Variants in DNAH1 observed in about 807,000 individuals in gnomAD.
DNAH1 encodes axonemal beta dynein heavy chain 1.
DNAH1 carries 327 observed loss-of-function variants against 484.3 expected under a neutral mutation model. The observed-to-expected ratio is 0.68, with a 90% CI of 0.62 to 0.74. DNAH1 has a LOEUF of 0.74. DNAH1 is among the 30% of genes least tolerant of loss of function. The pLI is 0.00. For synonymous variants in DNAH1, 2,192 were observed against 2,191.9 expected, an observed-to-expected ratio of 1.00 and a Z score of 0.00; for missense variants, 5,052 against 5,546.8, an observed-to-expected ratio of 0.91 and a Z score of 2.83.
Position 52,354,953 on chromosome 3 carries a change from G to A in DNAH1, c.3591G>A (p.Leu1197=), listed in dbSNP as rs1326180551. The A allele has an allele frequency of 1.9e-6, 3 of 1,613,898 alleles. No homozygotes were observed. The highest frequency in any genetic ancestry group is 1.3e-5 in the African/African-American group (1 of 74,922). ...LKSPDEASQL[L]DDHIVMTQNM... ...GCCCGGACGAGGCCTCACAGCTGCT[G>A]GACGACCACATCGTCATGACCCAGA... Residue 1197 remains leucine, a synonymous_variant, in exon 21 of 78, where the codon CTG becomes CTA. Coordinates refer to ENST00000420323, the MANE Select transcript of DNAH1 (RefSeq NM_015512.5).
Position 52,379,123 on chromosome 3 carries a change from A to T in DNAH1, c.7377+343A>T, listed in dbSNP as rs1325891469. Among the ~76,000 whole-genome samples the T allele has an allele frequency of 6.6e-6, 1 of 152,094 alleles. No individual in the cohort carries two copies. Among genetic ancestry groups the T allele is most frequent in the African/African-American group, 2.4e-5 (1 of 41,438 alleles). On this transcript the variant is annotated intron_variant, in intron 47 of 77. Transcript: ENST00000420323. This position sits in a 1 kb window ranked among gnomAD's most constrained non-coding sequence, Gnocchi z 4.4. Reference sequence around the variant, plus strand: ...AAAACCCCAGGTGGAAGGAGGGGGAAGTGTAGCAGGGAGCCAGGTGTCAGG... The same window carrying T: ...AAAACCCCAGGTGGAAGGAGGGGGATGTGTAGCAGGGAGCCAGGTGTCAGG...
chr3:52,335,542 C>G (rs1413482629), intron 8 of DNAH1, among the ~76,000 whole-genome samples: 1 of 151,378 alleles, frequency 6.6e-6, no homozygotes, highest in Non-Finnish European at 1.5e-5. Flanking sequence ...CTCCTGACCT[C>G]AGGTGATCCA....
chr3:52,373,601 A>C, intron 44 of DNAH1: 1 of 1,461,772 alleles, frequency 6.8e-7, no homozygotes, highest in South Asian at 1.1e-5. Context: ...AAAATTCTTC[A>C]AGGTTTAGCG....
Position 52,332,158 on chromosome 3 carries a change from G to A in DNAH1, c.1050G>A (p.Gln350=). Residue 350 remains glutamine (Q), a synonymous_variant, in exon 8 of 78, where the codon CAG becomes CAA. Coordinates refer to ENST00000420323, the MANE Select transcript of DNAH1 (RefSeq NM_015512.5). Reference sequence around the variant, plus strand: ...GGCCCCCAGGAAGGCCACCCCTTCAGGTCTGTCAGTACTGGGTGCCACGGA... The same window carrying A: ...GGCCCCCAGGAAGGCCACCCCTTCAAGTCTGTCAGTACTGGGTGCCACGGA... The part of the protein sequence containing the change: ...GVTTEGRPPL[Q]VCQYWVPRIQ... 6.4e-7 allele frequency: 1 copy of A among 1,565,700 alleles called. No homozygotes were observed. Among genetic ancestry groups the A allele is most frequent in the Non-Finnish European group, 8.7e-7 (1 of 1,154,436 alleles).
intron 75 of DNAH1, 145 bp downstream of exon 75, chr3:52,398,307 G>C: frequency 8.9e-7 from 1 of 1,120,662 alleles, no homozygotes; most frequent in Non-Finnish European, 1.2e-6. Flanking sequence ...TGTTGACACG[G>C]AGTCTCTCTC....
rs764170329 is a variant in DNAH1, at chr3:52,327,993, A to C, written c.850A>C (p.Thr284Pro). The C allele has an allele frequency of 1.2e-6, 2 of 1,613,742 alleles. No homozygotes were observed. The highest frequency in any genetic ancestry group is 2.7e-5 in the African/African-American group (2 of 74,910). Residue 284 changes from threonine to proline, a missense_variant, in exon 6 of 78, where the codon ACT becomes CCT. By Grantham distance (38) the Thr-to-Pro change is conservative (BLOSUM62 -1). Coordinates refer to ENST00000420323, the MANE Select transcript of DNAH1 (RefSeq NM_015512.5). Reference sequence around the variant, plus strand: ...TGTCCCGGGAAAAGCCCTCTTGCCCACTGATGACTTCCTGGGGCATGGTGA... The same window carrying C: ...TGTCCCGGGAAAAGCCCTCTTGCCCCCTGATGACTTCCTGGGGCATGGTGA... ...KPVPGKALLPTDDFLGHEDPK... is the reference protein window; with the variant it reads ...KPVPGKALLPPDDFLGHEDPK...
chr3:52,333,876 T>A (rs1007144878), intron 8 of DNAH1, among the ~76,000 whole-genome samples: 76 of 152,344 alleles, frequency 5.0e-4, no homozygotes, highest in African/African-American at 1.8e-3. Flanking sequence ...TAGGCTAATG[T>A]GAGTGTTCTG....
chr3:52,392,357 TG>T, intron 63 of DNAH1, 106 bp from the exon 64 acceptor site: 1 of 1,007,638 alleles, frequency 9.9e-7, no homozygotes, highest in Non-Finnish European at 1.5e-6. Flanking sequence ...GCAAGGATGC[TG>T]GGCTCTTGGA....
At chr3:52,349,943 A>G (rs1423478203) in intron 14 of DNAH1, 46 bp from the exon 15 acceptor site, 1 of 1,563,492 alleles carries the variant, frequency 6.4e-7, no homozygotes, top group Admixed American at 1.9e-5. Context: ...GAGGGAAGGC[A>G]AGGGAGCAGC....
chr3:52,331,273 G>T lies in DNAH1; in HGVS notation c.997G>T (p.Gly333Trp), dbSNP rs748892873. The T allele has an allele frequency of 6.2e-7, 1 of 1,610,838 alleles. No homozygotes were observed. Among genetic ancestry groups the T allele is most frequent in the East Asian group, 2.2e-5 (1 of 44,816 alleles). The change falls in exon 7 of 78, where the codon GGG (glycine) becomes TGG (tryptophan). Residue 333 changes from glycine (G) to tryptophan (W), a missense_variant. Gly to Trp is a radical substitution (Grantham distance 184, BLOSUM62 -2). Transcript: ENST00000420323. ...GAAAGGCCTGGTGCGAGATGAGATG[G>T]GGAGGCCCATCCTGAATGCAGGGGT... is the stretch of plus-strand genomic sequence containing the variant. ...DEKGLVRDEM[G>W]RPILNAGVTT...
At chr3:52,390,321 C>T (rs1375825240) in intron 60 of DNAH1, among the ~76,000 whole-genome samples, 1 of 151,878 alleles carries the variant, frequency 6.6e-6, no homozygotes, top group African/African-American at 2.4e-5. Flanking sequence ...AAAAATTAAC[C>T]AGGCATGGTC....
Position 52,326,816 on chromosome 3 carries a change from G to A in DNAH1, c.663G>A (p.Arg221=). 6.2e-7 allele frequency: 1 copy of A among 1,613,650 alleles called. No homozygotes were observed. The highest frequency in any genetic ancestry group is 2.2e-5 in the East Asian group (1 of 44,884). ...QGIDSNKLMP[R]HLDHQHPQTI... Reference sequence around the variant, plus strand: ...TCGACTCCAACAAGCTCATGCCCAGGCACCTGGACCACCAGCACCCCCAAA... The same window carrying A: ...TCGACTCCAACAAGCTCATGCCCAGACACCTGGACCACCAGCACCCCCAAA... The change falls in exon 5 of 78, where the codon AGG becomes AGA. Residue 221 remains arginine, a synonymous_variant. Transcript: ENST00000420323.
chr3:52,393,308 G>A (rs779571498), intron 65 of DNAH1, 26 bp from the exon 66 acceptor site: 5 of 1,611,824 alleles, frequency 3.1e-6, no homozygotes, highest in East Asian at 2.2e-5. Flanking sequence ...ACCTCTCCGC[G>A]CTGCCATCAC....
chr3:52,377,383 C>T (rs1703649088), intron 46 of DNAH1, among the ~76,000 whole-genome samples: 1 of 151,976 alleles, frequency 6.6e-6, no homozygotes, highest in Non-Finnish European at 1.5e-5. Flanking sequence ...CACTGTTCAC[C>T]ACCCTGTCCT....
chr3:52,353,534 C>T lies in DNAH1; in HGVS notation c.3381C>T (p.Asn1127=). 6.2e-7 allele frequency: 1 copy of T among 1,613,886 alleles called. No homozygotes were observed. Among genetic ancestry groups the T allele is most frequent in the Non-Finnish European group, 8.5e-7 (1 of 1,179,866 alleles). ...QININVRPKA[N]LTFARCLEMN... is the part of the protein sequence containing the mutation. The stretch of plus-strand genomic sequence containing the variant: ...ACATCAATGTCAGGCCCAAGGCCAA[C>T]CTGACCTTTGCTCGCTGCCTGGAGA... Residue 1127 remains asparagine (N), a synonymous_variant, in exon 20 of 78, where the codon AAC becomes AAT. Transcript: ENST00000420323. This position sits in a 1 kb window ranked among gnomAD's most constrained non-coding sequence, Gnocchi z 5.0.
intron 37 of DNAH1, among the ~76,000 whole-genome samples, chr3:52,369,201 C>T (rs1401249693): frequency 6.6e-6 from 1 of 152,202 alleles, no homozygotes; most frequent in East Asian, 1.9e-4. Context: ...ACCAGGATGC[C>T]TGTCCCACTG....
At chr3:52,375,530 C>A in intron 45 of DNAH1, 117 bp downstream of exon 45, 1 of 1,066,880 alleles carries the variant, frequency 9.4e-7, no homozygotes, top group Non-Finnish European at 1.3e-6. Flanking sequence ...TGACCGCAAC[C>A]CTGGGTTCAC....
intron 34 of DNAH1, among the ~76,000 whole-genome samples, chr3:52,365,692 T>C (rs1022766642): frequency 7.2e-5 from 11 of 152,120 alleles, no homozygotes; most frequent in Non-Finnish European, 1.5e-4. Flanking sequence ...TGGGAAGCCA[T>C]GGCCAGTCAC....
chr3:52,369,977 C>T lies in DNAH1; in HGVS notation c.6096C>T (p.Pro2032=). 1.9e-6 allele frequency: 3 copies of T among 1,613,904 alleles called. No homozygotes were observed. Among genetic ancestry groups the T allele is most frequent in the Non-Finnish European group, 2.5e-6 (3 of 1,179,844 alleles). The change falls in exon 38 of 78, where the codon CCC becomes CCT. Residue 2032 remains proline, a synonymous_variant. Transcript: ENST00000420323. ...GGAAGCTGCCTCCCTTGCTGAAGCC[C>T]TATGAGGAGCATTTCAAGGCCCTCT... ...WLRKLPPLLK[P]YEEHFKALFV...
Sources: gnomAD v4.1 joint callset for allele counts (sites outside exome capture counted in the v4.1 genomes callset) on GRCh38, gnomAD v4.1.1 for gene constraint, Gnocchi (gnomAD v3.1) non-coding constraint, MANE v1.5 for transcripts, NCBI Gene and HGNC (gene_info 2026-07-23, HGNC 2026-07-21) for gene names.